The following IL17RD variants were observed in gnomAD, a reference collection of about 807,000 sequenced individuals.
The protein encoded by IL17RD is interleukin 17 receptor D, also known as interleukin-17 receptor D.
IL17RD carries 52 observed loss-of-function variants against 80.5 expected under a neutral mutation model. That is an observed-to-expected ratio of 0.65 (90% CI 0.52 to 0.81). The LOEUF (loss-of-function observed/expected upper bound fraction) is 0.81, where lower values mean the gene tolerates loss of function less well. IL17RD is among the 40% of genes least tolerant of loss of function. IL17RD has a pLI of 0.00. For synonymous variants in IL17RD, 416 were observed against 391.8 expected (o/e 1.06, Z -0.73); for missense variants, 1,024 against 955.1 (o/e 1.07, Z -0.95).
chr3:57,165,875 TC>T (rs879766287), upstream of IL17RD, among the ~76,000 whole-genome samples: 6 of 151,892 alleles, frequency 4.0e-5, no homozygotes, highest in Non-Finnish European at 8.8e-5. Flanking sequence ...CAACCCCCCG[TC>T]CCCCTCACCC....
Position 57,127,357 on chromosome 3 carries a change from TAA to T in IL17RD, c.127-7046_127-7045del, listed in dbSNP as rs1172239576. On this transcript the variant is annotated intron_variant, in intron 1 of 12. Coordinates refer to ENST00000296318, the MANE Select transcript of IL17RD (RefSeq NM_017563.5). ...ATATAAAAATATATATAAATATATA[TAA>T]ATATAAATATATATATATAAATAAA... is the stretch of plus-strand genomic sequence containing the variant. 2.1e-5 allele frequency among the ~76,000 whole-genome samples: 2 copies of T among 93,276 alleles called. 1 individual carries two copies. Among genetic ancestry groups the T allele is most frequent in the Non-Finnish European group, 3.6e-5 (2 of 55,476 alleles). 61.2% of individuals were successfully genotyped at this position (93,276 alleles called of 152,430 possible). A position where few individuals can be genotyped will look rare whatever the true frequency, so the allele number is the denominator to read the frequency against.
chr3:57,103,185 GAT>G (rs751098207), intron 8 of IL17RD, 40 bp from the exon 9 acceptor site: 22 of 1,522,054 alleles, frequency 1.4e-5, no homozygotes, highest in Non-Finnish European at 1.9e-5. Context: ...TTTTTAAAGT[GAT>G]ATATACCAGG....
chr3:57,155,869 G>T (rs1485499236), intron 1 of IL17RD, among the ~76,000 whole-genome samples: 5 of 152,208 alleles, frequency 3.3e-5, no homozygotes, highest in Non-Finnish European at 7.3e-5. Flanking sequence ...GGGATTACAG[G>T]TATGAGCCAC....
chr3:57,127,331 T>TATAC (rs1346092399), intron 1 of IL17RD, among the ~76,000 whole-genome samples: 1 of 105,516 alleles, frequency 9.5e-6, no homozygotes, highest in East Asian at 2.9e-4. Flanking sequence ...TATATAAATA[T>TATAC]ATATAAAAAT....
rs780796956 is a variant in IL17RD, at chr3:57,093,336, CT to C, written c.*3056del. 2 of 152,174 alleles carry C rather than the reference CT, an allele frequency of 1.3e-5. No homozygotes were observed. The highest frequency in any genetic ancestry group is 2.9e-5 in the Non-Finnish European group (2 of 68,020). 9.4% of individuals were successfully genotyped at this position (152,174 alleles called of 1,614,324 possible). A position where few individuals can be genotyped will look rare whatever the true frequency, so the allele number is the denominator to read the frequency against. On this transcript the variant is annotated 3_prime_UTR_variant, in exon 13 of 13. Transcript: ENST00000296318. Reference sequence around the variant, plus strand: ...TAAAGACAGAAATAATATTTTCTCTCTTCTTCAGGGAGCCAAATTAGTGTTG... The same window carrying C: ...TAAAGACAGAAATAATATTTTCTCTCTCTTCAGGGAGCCAAATTAGTGTTG...
intron 1 of IL17RD, among the ~76,000 whole-genome samples, chr3:57,127,263 AAT>A (rs1180148622): frequency 1.1e-5 from 1 of 91,198 alleles, no homozygotes; most frequent in African/African-American, 6.6e-5. Context: ...AATATATATA[AAT>A]ATATATAAAA....
intron 12 of IL17RD, 138 bp from the exon 13 acceptor site, chr3:57,096,643 A>C (rs1706680452): frequency 3.0e-6 from 2 of 665,680 alleles, no homozygotes; most frequent in East Asian, 2.6e-5. Context: ...CAACCAACTC[A>C]AGATGGGGCA....
At chr3:57,103,030 A>G (rs1330801049) in intron 9 of IL17RD, 61 bp downstream of exon 9, 89 of 1,143,232 alleles carry the variant, frequency 7.8e-5, no homozygotes. Context: ...AAGTACAGAG[A>G]GTATCACATA....
intron 1 of IL17RD, among the ~76,000 whole-genome samples, chr3:57,124,398 T>G (rs1338596343): frequency 6.6e-6 from 1 of 152,110 alleles, no homozygotes; most frequent in Admixed American, 6.5e-5. Flanking sequence ...GTTATCCAAG[T>G]GGGCCCAATA....
At chr3:57,113,777 AAATG>A (rs1707149751) in intron 3 of IL17RD, among the ~76,000 whole-genome samples, 1 of 152,066 alleles carries the variant, frequency 6.6e-6, no homozygotes, top group Admixed American at 6.5e-5. Flanking sequence ...TCCTGGCCTC[AAATG>A]ATCCTCCCAT....
At chr3:57,104,573 C>T (rs942891840) in intron 7 of IL17RD, among the ~76,000 whole-genome samples, 166 bp from the exon 8 acceptor site, 2 of 152,186 alleles carry the variant, frequency 1.3e-5, no homozygotes, top group Non-Finnish European at 2.9e-5. Context: ...CACATGTTAT[C>T]TGAACTTCCC....
chr3:57,129,709 A>G (rs954148610), intron 1 of IL17RD, among the ~76,000 whole-genome samples: 1 of 152,194 alleles, frequency 6.6e-6, no homozygotes, highest in Non-Finnish European at 1.5e-5. Flanking sequence ...TTTAGGTTTC[A>G]GTGTTAATGG....
At chr3:57,153,720 T>C (rs190090958) in intron 1 of IL17RD, among the ~76,000 whole-genome samples, 1 of 152,218 alleles carries the variant, frequency 6.6e-6, no homozygotes, top group Non-Finnish European at 1.5e-5. Flanking sequence ...ATACAAAGGA[T>C]GGGAGAAAGA....
At chr3:57,124,309 G>C (rs768713) in intron 1 of IL17RD, among the ~76,000 whole-genome samples, 96,616 of 152,004 alleles carry the variant, frequency 0.64, 30,856 homozygotes, top group South Asian at 0.83. Context: ...GAACCTGTGA[G>C]TATGCTATTT....
chr3:57,141,267 T>TA (rs1416144195), intron 1 of IL17RD, among the ~76,000 whole-genome samples: 2 of 152,154 alleles, frequency 1.3e-5, no homozygotes, highest in Non-Finnish European at 2.9e-5. Context: ...TTAAAAAACA[T>TA]AATTTTTGAG....
intron 1 of IL17RD, among the ~76,000 whole-genome samples, chr3:57,154,281 T>TAC (rs1333665315): frequency 1.1e-4 from 14 of 133,122 alleles, no homozygotes; most frequent in African/African-American, 3.4e-4. Context: ...TATATATATA[T>TAC]ATACACACAC....
intron 1 of IL17RD, among the ~76,000 whole-genome samples, chr3:57,144,783 G>A (rs1211152373): frequency 1.3e-5 from 2 of 152,244 alleles, no homozygotes; most frequent in African/African-American, 2.4e-5. Flanking sequence ...GAGAGGCAAG[G>A]ACCTGTGGGT....
At chr3:57,112,397 T>C (rs1421471477) in intron 3 of IL17RD, among the ~76,000 whole-genome samples, 2 of 152,206 alleles carry the variant, frequency 1.3e-5, no homozygotes, top group African/African-American at 4.8e-5. Flanking sequence ...CGCTCTTAAC[T>C]CACATGCTTT....
intron 1 of IL17RD, among the ~76,000 whole-genome samples, chr3:57,156,213 T>C (rs2060266128): frequency 1.3e-5 from 2 of 152,234 alleles, no homozygotes; most frequent in African/African-American, 4.8e-5. Context: ...AAGAGGACAG[T>C]GAGCAGCAAG....
Sources: gnomAD v4.1 joint callset for allele counts (sites outside exome capture counted in the v4.1 genomes callset) on GRCh38, gnomAD v4.1.1 for gene constraint, MANE v1.5 for transcripts, NCBI Gene and HGNC (gene_info 2026-07-23, HGNC 2026-07-21) for gene names.